The following CSPP1 variants were observed in gnomAD, a reference collection of about 807,000 sequenced individuals.
CSPP1 encodes the protein centrosome and spindle pole associated protein 1, also known as centrosome and spindle pole-associated protein 1.
CSPP1 carries 126 observed loss-of-function variants against 164.4 expected under a neutral mutation model. The ratio of observed to expected loss-of-function variants is 0.77; its 90% confidence interval spans 0.66 to 0.89. CSPP1 has a LOEUF of 0.89. CSPP1 is among the 40% of genes least tolerant of loss of function. The pLI is 0.00. For synonymous variants in CSPP1, 472 were observed against 476.7 expected (o/e 0.99, Z 0.13); for missense variants, 1,395 against 1,449.8 (o/e 0.96, Z 0.61).
At chr8:67,193,652 A>G (rs1400538627) in intron 30 of CSPP1, 50 bp downstream of exon 30, 1 of 1,528,554 alleles carries the variant, frequency 6.5e-7, no homozygotes, top group Non-Finnish European at 9.0e-7. Flanking sequence ...ATGAACTTTT[A>G]AACTTTCTTA....
chr8:67,067,835 G>T (rs1176557115), intron 1 of CSPP1, among the ~76,000 whole-genome samples: 19 of 151,508 alleles, frequency 1.3e-4, no homozygotes, highest in Admixed American at 1.1e-3. Flanking sequence ...AACAATAAAA[G>T]AATTGATCTG....
chr8:67,195,551 A>G lies in CSPP1; in HGVS notation c.3639A>G (p.Pro1213=), dbSNP rs777867972. Residue 1213 remains proline, a synonymous_variant, in exon 31 of 31, where the codon CCA becomes CCG. Coordinates refer to ENST00000678616, the MANE Select transcript of CSPP1 (RefSeq NM_001382391.1). ...NQEQQQIPGK[P]GTFTWQGLST... ...AGCAGCAGCAGATTCCTGGAAAACC[A>G]GGCACTTTCACTTGGCAGGGCCTGT... The G allele has an allele frequency of 1.9e-6, 3 of 1,614,204 alleles. No homozygotes were observed. The highest frequency in any genetic ancestry group is 2.5e-6 in the Non-Finnish European group (3 of 1,180,038).
At chr8:67,160,023 TTTC>T (rs1827961249) in intron 21 of CSPP1, among the ~76,000 whole-genome samples, 1 of 102,764 alleles carries the variant, frequency 9.7e-6, no homozygotes, top group Non-Finnish European at 1.7e-5. Context: ...TTTCTTTTCT[TTTC>T]TTTTCTTTTT....
Position 67,118,372 on chromosome 8 carries a change from A to G in CSPP1, c.1618+3A>G. ...TTTCGATCCCAGTCTTGCTTATTGT[A>G]AGTTATCTATAGGGTAAGCATTTTC... On this transcript the variant is annotated splice_donor_region_variant and intron_variant, in intron 14 of 30. Coordinates refer to ENST00000678616, the MANE Select transcript of CSPP1 (RefSeq NM_001382391.1). 6.2e-7 allele frequency: 1 copy of G among 1,613,496 alleles called. No individual in the cohort carries two copies. The highest frequency in any genetic ancestry group is 8.5e-7 in the Non-Finnish European group (1 of 1,179,590).
At chr8:67,160,147 G>T (rs1428797092) in intron 21 of CSPP1, among the ~76,000 whole-genome samples, 1 of 148,530 alleles carries the variant, frequency 6.7e-6, no homozygotes, top group Non-Finnish European at 1.5e-5. Context: ...CTCCCAAAGT[G>T]GTGGGATTGC....
At chr8:67,168,737 T>C (rs1829960778) in intron 24 of CSPP1, among the ~76,000 whole-genome samples, 1 of 152,242 alleles carries the variant, frequency 6.6e-6, no homozygotes, top group South Asian at 2.1e-4. Context: ...TTGTATTCAC[T>C]AAATAATTTG....
Position 67,112,234 on chromosome 8 carries a change from G to GT in CSPP1, c.1187+187dup, listed in dbSNP as rs375921547. ...AACAAGGAAAATAAATACTAAGAGA[G>GT]TTTTTTTTTTTTTTTTTTGGTCATA... On this transcript the variant is annotated intron_variant, in intron 10 of 30. Transcript: ENST00000678616. Among the ~76,000 whole-genome samples the GT allele has an allele frequency of 0.01, 1,259 of 123,026 alleles. 6 individuals carry two copies. Among genetic ancestry groups the GT allele is most frequent in the South Asian group, 0.02 (77 of 3,834 alleles). 80.7% of individuals were successfully genotyped at this position (123,026 alleles called of 152,430 possible).
chr8:67,110,027 C>T (rs1481589647), intron 9 of CSPP1, among the ~76,000 whole-genome samples: 1 of 151,978 alleles, frequency 6.6e-6, no homozygotes, highest in Admixed American at 6.6e-5. Context: ...AAGCCACCCC[C>T]GCCCCATCCC....
intron 24 of CSPP1, among the ~76,000 whole-genome samples, chr8:67,169,357 C>G (rs1317436618): frequency 6.6e-6 from 1 of 152,204 alleles, no homozygotes; most frequent in Non-Finnish European, 1.5e-5. Flanking sequence ...GTTAGGTTAT[C>G]AAGTTCCTTG....
chr8:67,153,128 G>T (rs1418890477), intron 18 of CSPP1, among the ~76,000 whole-genome samples: 4 of 152,132 alleles, frequency 2.6e-5, no homozygotes, highest in Admixed American at 6.5e-5. Flanking sequence ...CTTGAACCTG[G>T]GAGGCAGAGG....
intron 10 of CSPP1, among the ~76,000 whole-genome samples, chr8:67,113,385 T>C (rs1275928289): frequency 6.6e-6 from 1 of 152,204 alleles, no homozygotes; most frequent in Non-Finnish European, 1.5e-5. Flanking sequence ...ATGTTAGCTA[T>C]CTTTAACATC....
chr8:67,070,080 G>A (rs1341058563), intron 1 of CSPP1, among the ~76,000 whole-genome samples: 1 of 152,044 alleles, frequency 6.6e-6, no homozygotes, highest in Non-Finnish European at 1.5e-5. Flanking sequence ...GGATTTTGAG[G>A]ATTGATTGTT....
intron 18 of CSPP1, among the ~76,000 whole-genome samples, chr8:67,151,825 C>A (rs1307095407): frequency 4.6e-5 from 7 of 151,986 alleles, no homozygotes; most frequent in Admixed American, 4.6e-4. Flanking sequence ...TGCAGTGGCT[C>A]ACGCCTGTAA....
At chr8:67,184,744 T>TA (rs1554621539) in intron 28 of CSPP1, among the ~76,000 whole-genome samples, 32 of 142,498 alleles carry the variant, frequency 2.2e-4, no homozygotes, top group South Asian at 4.4e-4. Context: ...AATAAAAAAA[T>TA]ATAATAATAA....
chr8:67,095,972 AT>A (rs1812673600), intron 7 of CSPP1, among the ~76,000 whole-genome samples: 1 of 152,214 alleles, frequency 6.6e-6, no homozygotes, highest in Non-Finnish European at 1.5e-5. Flanking sequence ...TACACCCTTT[AT>A]GTAAAAGTAT....
At chr8:67,130,569 C>T (rs1821026356) in intron 15 of CSPP1, among the ~76,000 whole-genome samples, 2 of 152,078 alleles carry the variant, frequency 1.3e-5, no homozygotes, top group Admixed American at 1.3e-4. Context: ...TCCAATGTGA[C>T]AGTATACACA....
intron 10 of CSPP1, 98 bp downstream of exon 10, chr8:67,112,163 G>T: frequency 8.2e-6 from 5 of 609,676 alleles, no homozygotes; most frequent in South Asian, 2.2e-5. Context: ...CTAATATGAT[G>T]TTTGATTTGT....
chr8:67,187,518 C>CA (rs1362257945), intron 28 of CSPP1, among the ~76,000 whole-genome samples: 1 of 151,458 alleles, frequency 6.6e-6, no homozygotes, highest in Non-Finnish European at 1.5e-5. Flanking sequence ...CTTGTCTCTA[C>CA]AAAAAAAATA....
chr8:67,161,287 T>G (rs1334476654), intron 21 of CSPP1, among the ~76,000 whole-genome samples: 1 of 152,202 alleles, frequency 6.6e-6, no homozygotes, highest in Non-Finnish European at 1.5e-5. Context: ...ATTTAGAATG[T>G]CTATGTTGTA....
Sources: gnomAD v4.1 joint callset for allele counts (sites outside exome capture counted in the v4.1 genomes callset) on GRCh38, gnomAD v4.1.1 for gene constraint, MANE v1.5 for transcripts, NCBI Gene and HGNC (gene_info 2026-07-23, HGNC 2026-07-21) for gene names.